The following GMPPB variants were observed in gnomAD, a reference collection of about 807,000 sequenced individuals.
GMPPB encodes the protein GDP-mannose pyrophosphorylase B.
Under a neutral mutation model 40.3 loss-of-function variants are expected in GMPPB, and 38 were observed. The ratio of observed to expected loss-of-function variants is 0.94; its 90% CI spans 0.73 to 1.24. GMPPB has a LOEUF of 1.24. Ranked by LOEUF, GMPPB falls within the 50% of genes most tolerant of loss-of-function variation. GMPPB has a pLI of 0.00. For missense variants in GMPPB, 436 were observed against 487.1 expected, an observed-to-expected ratio of 0.90 and a Z score of 0.99; for synonymous variants, 193 against 191.8, an observed-to-expected ratio of 1.01 and a Z score of -0.05.
At position 49,723,309 on chromosome 3, in the gene GMPPB, G is replaced by A. The variant is rs201109088; in HGVS notation, c.211-7C>T. ...TGGAGATTCGGATTCCCAGCTGGAA[G>A]GAAGAGGCCCCCCCAGTCAGGTTCT... On this transcript the variant is annotated splice_polypyrimidine_tract_variant and splice_region_variant and intron_variant, in intron 2 of 8. Coordinates refer to ENST00000308388, the MANE Select transcript of GMPPB (RefSeq NM_021971.4). The A allele has an allele frequency of 9.3e-6, 15 of 1,614,220 alleles. No homozygotes were observed. The highest frequency in any genetic ancestry group is 1.6e-4 in the Middle Eastern group (1 of 6,062).
Position 49,720,466 on chromosome 3 carries a change from C to T in GMPPB, c.*1286G>A, listed in dbSNP as rs1289343515. The T allele has an allele frequency of 6.6e-7, 1 of 1,505,346 alleles. No individual in the cohort carries two copies. The highest frequency in any genetic ancestry group is 1.3e-5 in the South Asian group (1 of 74,106). The allele number at this position is 1,505,346 out of a possible 1,614,324, so 93.2% of individuals were successfully genotyped here. A position where few individuals can be genotyped will look rare whatever the true frequency, so the allele number is the denominator to read the frequency against. On this transcript the variant is annotated 3_prime_UTR_variant, in exon 9 of 9. Coordinates refer to ENST00000308388, the MANE Select transcript of GMPPB (RefSeq NM_021971.4). The stretch of plus-strand genomic sequence containing the variant: ...GGCAATCCCAAGAGAGACTTTTAGC[C>T]AGGCCCCAAGCCTTCTGACTGCCCT...
intron 4 of GMPPB, 85 bp from the exon 5 acceptor site, chr3:49,722,839 G>A (rs1383892277): frequency 1.3e-6 from 2 of 1,519,954 alleles, no homozygotes; most frequent in Non-Finnish European, 1.8e-6. Flanking sequence ...AAGAGACTCT[G>A]CCCCAAGTGC....
rs868339531 is a variant in GMPPB, at chr3:49,722,990, G to A, written c.384C>T (p.Gly128=). The A allele has an allele frequency of 4.3e-6, 7 of 1,613,798 alleles. No homozygotes were observed. Among genetic ancestry groups the A allele is most frequent in the African/African-American group, 1.3e-5 (1 of 75,066 alleles). The change falls in exon 4 of 9, where the codon GGC becomes GGT. Residue 128 remains glycine, a synonymous_variant. Transcript: ENST00000308388. ...QAMVQFHRHH[G]QEGSILVTKV... ...GCCTTACCAGGATGGAGCCCTCCTG[G>A]CCATGGTGCCGGTGGAACTGCACCA...
At position 49,722,236 on chromosome 3, in the gene GMPPB, G is replaced by A. The variant is rs1482667306; in HGVS notation, c.763C>T (p.Leu255=). The change falls in exon 7 of 9, where the codon CTG becomes TTG. Residue 255 remains leucine, a synonymous_variant. Coordinates refer to ENST00000308388, the MANE Select transcript of GMPPB (RefSeq NM_021971.4). ...GGGCTGGGCAAGGGCCTCACCACCAGCACGTTGCCCACAATGCCAGGGCCT... is the reference window on the plus strand; with the variant it reads ...GGGCTGGGCAAGGGCCTCACCACCAACACGTTGCCCACAATGCCAGGGCCT... ...CSGPGIVGNV[L]VDPSARIGQN... 5.6e-6 allele frequency: 9 copies of A among 1,613,260 alleles called. No individual in the cohort carries two copies. The highest frequency in any genetic ancestry group is 7.6e-6 in the Non-Finnish European group (9 of 1,179,636).
Position 49,722,386 on chromosome 3 carries a change from C to A in GMPPB, c.641-28G>T, listed in dbSNP as rs971254229. ...GTAGGGAGGGATGCATCAGGGGCCT[C>A]AGCCCAGCCACAGACCACCCCCACC... On this transcript the variant is annotated intron_variant, in intron 6 of 8. Coordinates refer to ENST00000308388, the MANE Select transcript of GMPPB (RefSeq NM_021971.4). The A allele has an allele frequency of 1.9e-6, 3 of 1,613,394 alleles. No individual in the cohort carries two copies. In the African/African-American group the frequency reaches 4.0e-5, roughly 22 times the overall value.
rs2080436341 is a variant in GMPPB at position 49,722,696 on chromosome 3, C to T, written c.461G>A (p.Gly154Asp). The T allele has an allele frequency of 6.2e-7, 1 of 1,613,820 alleles. No individual in the cohort carries two copies. The change falls in exon 5 of 9, where the codon GGC (glycine) becomes GAC (aspartate). Residue 154 changes from glycine to aspartate, a missense_variant. Transcript: ENST00000308388. ...CTTCTCCACGAACCGGTGAATGCGG[C>T]CTGTGTCAGCCTCACACACCACCAC... is the stretch of plus-strand genomic sequence containing the variant. ...YGVVVCEADTGRIHRFVEKPQ... is the reference protein window; with the variant it reads ...YGVVVCEADTDRIHRFVEKPQ...
intron 8 of GMPPB, 39 bp from the exon 9 acceptor site, chr3:49,721,922 A>G (rs1173845982): frequency 6.2e-7 from 1 of 1,611,752 alleles, no homozygotes; most frequent in East Asian, 2.2e-5. Context: ...AGGCAGGCAC[A>G]CTCCCCGCCC....
chr3:49,720,848 T>A lies in GMPPB; in HGVS notation c.*904A>T. The A allele has an allele frequency of 6.2e-7, 1 of 1,614,200 alleles. No individual in the cohort carries two copies. The highest frequency in any genetic ancestry group is 8.5e-7 in the Non-Finnish European group (1 of 1,180,032). ...GAGCTGGCCCAAGTGGAACAGATGC[T>A]GGCGCACCTGACCTCTGCATCTGCC... is the stretch of plus-strand genomic sequence containing the variant. On this transcript the variant is annotated 3_prime_UTR_variant, in exon 9 of 9. Transcript: ENST00000308388.
At position 49,722,331 on chromosome 3, in the gene GMPPB, T is replaced by C; in HGVS notation, c.668A>G (p.Lys223Arg). ...QGFWMDIGQP[K>R]DFLTGMCLFL... ...GAGGCACATGCCAGTGAGGAAGTCC[T>C]TGGGCTGCCCAATGTCCATCCAGAA... The change falls in exon 7 of 9, where the codon AAG (lysine) becomes AGG (arginine). Residue 223 changes from lysine (K) to arginine (R), a missense_variant. Lys to Arg is a conservative substitution (Grantham distance 26, BLOSUM62 2). Transcript: ENST00000308388. The C allele has an allele frequency of 1.2e-6, 2 of 1,613,970 alleles. No individual in the cohort carries two copies. The highest frequency in any genetic ancestry group is 1.1e-5 in the South Asian group (1 of 91,068).
Position 49,723,323 on chromosome 3 carries a change from C to G in GMPPB, c.211-21G>C, listed in dbSNP as rs781404642. ...CCCAGCTGGAAGGAAGAGGCCCCCCCAGTCAGGTTCTACCAGGATGGGAAG... is the reference window on the plus strand; with the variant it reads ...CCCAGCTGGAAGGAAGAGGCCCCCCGAGTCAGGTTCTACCAGGATGGGAAG... On this transcript the variant is annotated intron_variant, in intron 2 of 8. Coordinates refer to ENST00000308388, the MANE Select transcript of GMPPB (RefSeq NM_021971.4). The G allele has an allele frequency of 2.2e-5, 35 of 1,614,092 alleles. 1 individual carries two copies. The South Asian group carries it at 3.2e-4, about 15-fold the overall frequency.
rs762013086 is a variant in GMPPB at position 49,723,454 on chromosome 3, T to TCACGTGGTC, written c.139_147dup (p.Asp47_Val49dup). ...TGCGACATGTAGCTCACGGCCAGGA[T>TCACGTGGTC]CACGTGGTCCACGCCTGCCTGTCAG... On this transcript the variant is annotated inframe_insertion, in exon 2 of 9. Transcript: ENST00000308388. 6.2e-7 allele frequency: 1 copy of TCACGTGGTC among 1,613,912 alleles called. No individual in the cohort carries two copies. Among genetic ancestry groups the TCACGTGGTC allele is most frequent in the South Asian group, 1.1e-5 (1 of 91,086 alleles).
At position 49,721,418 on chromosome 3, in the gene GMPPB, C is replaced by T. The variant is rs759206917; in HGVS notation, c.*334G>A. Reference sequence around the variant, plus strand: ...CTGTATCCCACACCACCACATCCAACCTCCTTGCCTGCCTGTATCCTCATT... The same window carrying T: ...CTGTATCCCACACCACCACATCCAATCTCCTTGCCTGCCTGTATCCTCATT... On this transcript the variant is annotated 3_prime_UTR_variant, in exon 9 of 9. Coordinates refer to ENST00000308388, the MANE Select transcript of GMPPB (RefSeq NM_021971.4). The T allele has an allele frequency of 2.9e-6, 4 of 1,377,996 alleles. No homozygotes were observed. Among genetic ancestry groups the T allele is most frequent in the Non-Finnish European group, 4.1e-6 (4 of 966,596 alleles). 85.4% of individuals were successfully genotyped at this position (1,377,996 alleles called of 1,614,324 possible).
In GMPPB at chr3:49,721,009, C is replaced by T; in HGVS notation, c.*743G>A. 6.2e-7 allele frequency: 1 copy of T among 1,610,240 alleles called. No homozygotes were observed. The highest frequency in any genetic ancestry group is 8.5e-7 in the Non-Finnish European group (1 of 1,177,248). On this transcript the variant is annotated 3_prime_UTR_variant, in exon 9 of 9. Transcript: ENST00000308388. ...CCAACTCCAGCCCACCCTTCACTCT[C>T]CTCCCTGCAGCCCACCAGTGAGGAG...
Position 49,721,483 on chromosome 3 carries a change from G to C in GMPPB, c.*269C>G, listed in dbSNP as rs1157644905. ...CATGGCCCTAATTGTGCCTGAGCTT[G>C]ACTTTCAGTCAGGGCCACAGTGAGC... On this transcript the variant is annotated 3_prime_UTR_variant, in exon 9 of 9. Transcript: ENST00000308388. 2 of 934,548 alleles carry C rather than the reference G, an allele frequency of 2.1e-6. No individual in the cohort carries two copies. Among genetic ancestry groups the C allele is most frequent in the Non-Finnish European group, 3.5e-6 (2 of 572,654 alleles). The allele number at this position is 934,548 out of a possible 1,614,324, so 57.9% of individuals were successfully genotyped here.
intron 2 of GMPPB, 38 bp downstream of exon 2, chr3:49,723,354 C>A: frequency 6.2e-7 from 1 of 1,614,040 alleles, no homozygotes; most frequent in Non-Finnish European, 8.5e-7. Flanking sequence ...GGAAGTTGGG[C>A]GGGGACCGAG....
In GMPPB at chr3:49,720,463, A is replaced by G. The variant is rs1373338359; in HGVS notation, c.*1289T>C. ...ATTGGCAATCCCAAGAGAGACTTTTAGCCAGGCCCCAAGCCTTCTGACTGC... is the reference window on the plus strand; with the variant it reads ...ATTGGCAATCCCAAGAGAGACTTTTGGCCAGGCCCCAAGCCTTCTGACTGC... On this transcript the variant is annotated 3_prime_UTR_variant, in exon 9 of 9. Transcript: ENST00000308388. 6.7e-7 allele frequency: 1 copy of G among 1,503,356 alleles called. No individual in the cohort carries two copies. Among genetic ancestry groups the G allele is most frequent in the East Asian group, 2.3e-5 (1 of 43,724 alleles). The allele number at this position is 1,503,356 out of a possible 1,614,324, so 93.1% of individuals were successfully genotyped here.
intron 2 of GMPPB, 22 bp from the exon 3 acceptor site, chr3:49,723,324 A>T (rs769882635): frequency 3.7e-6 from 6 of 1,614,014 alleles, no homozygotes; most frequent in Non-Finnish European, 4.2e-6. Context: ...AGGCCCCCCC[A>T]GTCAGGTTCT....
rs2080408700 is a variant in GMPPB, at chr3:49,721,544, CCTT to C, written c.*205_*207del. 2 of 804,044 alleles carry C rather than the reference CCTT, an allele frequency of 2.5e-6. No individual in the cohort carries two copies. Among genetic ancestry groups the C allele is most frequent in the Non-Finnish European group, 4.2e-6 (2 of 475,298 alleles). 49.8% of individuals were successfully genotyped at this position (804,044 alleles called of 1,614,324 possible). ...TATTCCATACAGCCCTGGCCCTGGC[CCTT>C]CTTGAGGGAGTGGGGTTTGTGGGGT... On this transcript the variant is annotated 3_prime_UTR_variant, in exon 9 of 9. Coordinates refer to ENST00000308388, the MANE Select transcript of GMPPB (RefSeq NM_021971.4).
At chr3:49,722,548 GT>G in intron 5 of GMPPB, 38 bp from the exon 6 acceptor site, 2 of 1,613,304 alleles carry the variant, frequency 1.2e-6, no homozygotes, top group Non-Finnish European at 1.7e-6. Flanking sequence ...GGTCATGGCG[GT>G]GATGGCCTGC....
Sources: allele counts gnomAD v4.1 joint callset, GRCh38; gene constraint gnomAD v4.1.1; transcripts MANE v1.5; gene names NCBI Gene and HGNC (gene_info 2026-07-23, HGNC 2026-07-21).